The following MRPS6 variants were observed in gnomAD, a reference collection of about 807,000 sequenced individuals.
MRPS6 encodes the protein small ribosomal subunit protein bS6m.
MRPS6 carries 6 observed loss-of-function variants against 13.1 expected under a neutral mutation model. The ratio of observed to expected loss-of-function variants is 0.46; its 90% CI spans 0.25 to 0.91. The LOEUF (loss-of-function observed/expected upper bound fraction) is 0.91, where lower values mean the gene tolerates loss of function less well. Among genes scored for constraint, MRPS6 ranks in the 40% least tolerant of loss-of-function variants. The probability of loss-of-function intolerance (pLI) is 0.18; values close to 1 mark genes in which losing one functional copy is unlikely to be tolerated. For missense variants in MRPS6, 164 were observed against 155.6 expected (o/e 1.05, Z -0.29); for synonymous variants, 61 against 56.5 (o/e 1.08, Z -0.36).
At chr21:34,077,279 A>G (rs1456464976) in intron 1 of MRPS6, among the ~76,000 whole-genome samples, 1 of 152,212 alleles carries the variant, frequency 6.6e-6, no homozygotes, top group Non-Finnish European at 1.5e-5. Context: ...AAAAAATGAA[A>G]CTTTGTAGAC....
intron 1 of MRPS6, chr21:34,099,433 T>C: frequency 1.0e-6 from 1 of 1,000,068 alleles, no homozygotes; most frequent in Middle Eastern, 5.2e-4. Context: ...GGGACAACCT[T>C]TTGGTGTTTG....
chr21:34,089,722 G>A (rs559082887), intron 1 of MRPS6, among the ~76,000 whole-genome samples: 1 of 152,270 alleles, frequency 6.6e-6, no homozygotes, highest in South Asian at 2.1e-4. Context: ...GGGTTGGGAG[G>A]AGGGCCGCAG....
In MRPS6 at chr21:34,099,388, T is replaced by C. The variant is rs577694294; in HGVS notation, c.45+25643T>C. On this transcript the variant is annotated intron_variant, in intron 1 of 2. Coordinates refer to ENST00000399312, the MANE Select transcript of MRPS6 (RefSeq NM_032476.4). ...GTCTGGACAAATGGTTGTCAATGTT[T>C]TGTCCTGTTTTTTCAAAGGAACTGT... The C allele has an allele frequency of 1.7e-5, 17 of 1,000,294 alleles. No homozygotes were observed. The Admixed American group carries it at 9.8e-4, about 58-fold the overall frequency. The allele number at this position is 1,000,294 out of a possible 1,614,324, so 62.0% of individuals were successfully genotyped here.
chr21:34,076,563 G>A (rs1989336409), intron 1 of MRPS6, among the ~76,000 whole-genome samples: 1 of 152,196 alleles, frequency 6.6e-6, no homozygotes, highest in South Asian at 2.1e-4. Context: ...TGGGCATTTA[G>A]GAATGTAGTT....
rs144702925 is a variant in MRPS6 at position 34,120,517 on chromosome 21, C to T, written c.46-4824C>T. Among the ~76,000 whole-genome samples, 1,137 of 152,096 alleles carry T rather than the reference C, an allele frequency of 7.5e-3. 9 individuals carry two copies. The highest frequency in any genetic ancestry group is 0.011 in the Non-Finnish European group (749 of 67,980). ...ATTTGAAGTTAGCTCTTGGGTTTTC[C>T]CTAAGTCTTTTGTAGGCTAAACATT... is the stretch of plus-strand genomic sequence containing the variant. On this transcript the variant is annotated intron_variant, in intron 1 of 2. Coordinates refer to ENST00000399312, the MANE Select transcript of MRPS6 (RefSeq NM_032476.4).
chr21:34,088,487 C>T (rs16991178), intron 1 of MRPS6, among the ~76,000 whole-genome samples: 2,854 of 152,298 alleles, frequency 0.019, 71 homozygotes, highest in African/African-American at 0.061. Flanking sequence ...TTTTATCTTA[C>T]GTGCTGTTTG....
intron 1 of MRPS6, among the ~76,000 whole-genome samples, chr21:34,086,750 T>C (rs1468572888): frequency 1.3e-5 from 2 of 152,168 alleles, no homozygotes; most frequent in Non-Finnish European, 2.9e-5. Flanking sequence ...GGTTGGCACA[T>C]GGTGTTTGGT....
chr21:34,136,407 CA>C (rs1980706072), intron 2 of MRPS6, among the ~76,000 whole-genome samples: 1 of 152,204 alleles, frequency 6.6e-6, no homozygotes, highest in Non-Finnish European at 1.5e-5. Context: ...TTCGGCCTCC[CA>C]AAGTGCTGGG....
intron 1 of MRPS6, among the ~76,000 whole-genome samples, chr21:34,113,905 C>A (rs1205563025): frequency 6.6e-6 from 1 of 152,172 alleles, no homozygotes; most frequent in Non-Finnish European, 1.5e-5. Context: ...GTGCTGTCTC[C>A]CTTCTACCCT....
At chr21:34,127,742 G>C (rs911605550) in intron 2 of MRPS6, among the ~76,000 whole-genome samples, 3 of 152,192 alleles carry the variant, frequency 2.0e-5, no homozygotes, top group Non-Finnish European at 4.4e-5. Flanking sequence ...GCAGTACCAG[G>C]TATTTTGTTC....
chr21:34,131,661 T>C (rs986701330), intron 2 of MRPS6, among the ~76,000 whole-genome samples: 3 of 152,186 alleles, frequency 2.0e-5, no homozygotes, highest in African/African-American at 7.2e-5. Context: ...ACAGGTTGTT[T>C]CTAGGCCTGA....
At chr21:34,124,126 A>G (rs2148668554) in intron 1 of MRPS6, 1 of 152,170 alleles carries the variant, frequency 6.6e-6, no homozygotes, top group East Asian at 1.9e-4. Flanking sequence ...TTTCTCATCC[A>G]CCTGCTTTGA....
intron 2 of MRPS6, among the ~76,000 whole-genome samples, chr21:34,131,713 G>T (rs1189902435): frequency 1.3e-5 from 2 of 152,196 alleles, no homozygotes; most frequent in Admixed American, 1.3e-4. Flanking sequence ...ACTGTACTTG[G>T]TGTTGTCATA....
rs1012391509 is a variant in MRPS6 at position 34,101,533 on chromosome 21, C to T, written c.46-23808C>T. 4.0e-6 allele frequency: 4 copies of T among 1,000,168 alleles called. No homozygotes were observed. The African/African-American group carries it at 5.2e-5, about 13-fold the overall frequency. The allele number at this position is 1,000,168 out of a possible 1,614,324, so 62.0% of individuals were successfully genotyped here. A position where few individuals can be genotyped will look rare whatever the true frequency, so the allele number is the denominator to read the frequency against. ...ATCTGTTTCTATATGTGTATATGCC[C>T]ACTTACCATTCAGAGAGACTGGTCT... On this transcript the variant is annotated intron_variant, in intron 1 of 2. Coordinates refer to ENST00000399312, the MANE Select transcript of MRPS6 (RefSeq NM_032476.4).
At chr21:34,079,169 G>A (rs374888572) in intron 1 of MRPS6, among the ~76,000 whole-genome samples, 37 of 152,228 alleles carry the variant, frequency 2.4e-4, no homozygotes, top group African/African-American at 8.7e-4. Flanking sequence ...AGTAGGAAAA[G>A]ATTTTACAGT....
At chr21:34,099,197 TTTCTCA>T in intron 1 of MRPS6, 1 of 1,000,034 alleles carries the variant, frequency 1.0e-6, no homozygotes, top group Non-Finnish European at 1.2e-6. Flanking sequence ...GTAGAATTTT[TTTCTCA>T]ATTTTATTCT....
Position 34,125,493 on chromosome 21 carries a change from A to C in MRPS6, c.185+13A>C, listed in dbSNP as rs773015490. ...ACAACAGAGGCGGGTAAGTTTCTTC[A>C]TGAAGTCTTGAAAGACGTTTTTGAT... On this transcript the variant is annotated intron_variant, in intron 2 of 2. Coordinates refer to ENST00000399312, the MANE Select transcript of MRPS6 (RefSeq NM_032476.4). 6.2e-7 allele frequency: 1 copy of C among 1,612,390 alleles called. No individual in the cohort carries two copies.
chr21:34,126,134 G>A (rs1359873535), intron 2 of MRPS6, among the ~76,000 whole-genome samples: 1 of 152,114 alleles, frequency 6.6e-6, no homozygotes, highest in African/African-American at 2.4e-5. Context: ...GTTTTAGCGC[G>A]GTAGGAAAAG....
chr21:34,080,216 A>G (rs1817347039), intron 1 of MRPS6, among the ~76,000 whole-genome samples: 1 of 152,352 alleles, frequency 6.6e-6, no homozygotes, highest in South Asian at 2.1e-4. Flanking sequence ...GAAAGCATTA[A>G]GTGATGGCTT....
Sources: allele counts gnomAD v4.1 joint callset (sites outside exome capture counted in the v4.1 genomes callset), GRCh38; gene constraint gnomAD v4.1.1; transcripts MANE v1.5; gene names NCBI Gene and HGNC (gene_info 2026-07-23, HGNC 2026-07-21).